BTC: variants seen among roughly 807,000 people sequenced by gnomAD.
BTC encodes the protein probetacellulin.
BTC carries 13 observed loss-of-function variants against 18.1 expected under a neutral mutation model. The ratio of observed to expected loss-of-function variants is 0.72; its 90% CI spans 0.47 to 1.14. The LOEUF (loss-of-function observed/expected upper bound fraction) is 1.14. BTC is among the 50% of genes most tolerant of loss of function. The pLI is 0.00. For missense variants in BTC, 247 were observed against 224.2 expected (o/e 1.10, Z -0.65); for synonymous variants, 83 against 79.4 (o/e 1.05, Z -0.24).
rs1724934131 is a variant in BTC at position 74,767,598 on chromosome 4, A to G, written c.163+2460T>C. On this transcript the variant is annotated intron_variant, in intron 2 of 5. Coordinates refer to ENST00000395743, the MANE Select transcript of BTC (RefSeq NM_001729.4). The stretch of plus-strand genomic sequence containing the variant: ...ATTTAAAATTCAAAGGAAACTACAA[A>G]GGACCCTGGATAGCCAAAACAATCT... 3.9e-5 allele frequency among the ~76,000 whole-genome samples: 6 copies of G among 152,220 alleles called. No homozygotes were observed. In the South Asian group the frequency reaches 8.3e-4, roughly 21 times the overall value.
chr4:74,778,489 T>C (rs1330982158), intron 1 of BTC, among the ~76,000 whole-genome samples: 1 of 152,110 alleles, frequency 6.6e-6, no homozygotes, highest in Non-Finnish European at 1.5e-5. Context: ...GCACCTATCA[T>C]GCAGTGTGTA....
rs1724433860 is a variant in BTC, at chr4:74,750,625, C to G, written c.376G>C (p.Ala126Pro). The change falls in exon 4 of 6, where the codon GCA becomes CCA. Residue 126 changes from alanine (A) to proline (P), a missense_variant. Coordinates refer to ENST00000395743, the MANE Select transcript of BTC (RefSeq NM_001729.4). Reference sequence around the variant, plus strand: ...AAAATAATAAAAACTACCATAACTGCTATCAAACAAATCACCAGAATCTGT... The same window carrying G: ...AAAATAATAAAAACTACCATAACTGGTATCAAACAAATCACCAGAATCTGT... ...RGQILVICLI[A>P]VMVVFIILVI... The G allele has an allele frequency of 6.2e-7, 1 of 1,613,806 alleles. No homozygotes were observed. Among genetic ancestry groups the G allele is most frequent in the African/African-American group, 1.3e-5 (1 of 74,912 alleles).
At chr4:74,763,608 G>C (rs1039934876) in intron 2 of BTC, among the ~76,000 whole-genome samples, 3 of 151,806 alleles carry the variant, frequency 2.0e-5, no homozygotes, top group South Asian at 2.1e-4. Flanking sequence ...ATAAATGCAG[G>C]CTTAACCTCC....
intron 4 of BTC, among the ~76,000 whole-genome samples, chr4:74,749,157 C>T (rs558321097): frequency 2.3e-4 from 35 of 152,074 alleles, no homozygotes; most frequent in African/African-American, 7.7e-4. Context: ...TGGCCGGGCG[C>T]GGTGGCTCAT....
rs1247367330 is a variant in BTC, at chr4:74,764,918, G to A, written c.163+5140C>T. The stretch of plus-strand genomic sequence containing the variant: ...CACAATCATGGCAGACAGTGATTGA[G>A]GAGCAAAGTCATGTCTTACATGGCA... On this transcript the variant is annotated intron_variant, in intron 2 of 5. Coordinates refer to ENST00000395743, the MANE Select transcript of BTC (RefSeq NM_001729.4). Among the ~76,000 whole-genome samples the A allele has an allele frequency of 2.0e-5, 3 of 151,978 alleles. No individual in the cohort carries two copies. In the East Asian group the frequency reaches 5.8e-4, roughly 29 times the overall value.
chr4:74,794,246 C>T lies in BTC; in HGVS notation c.64+16G>A. The T allele has an allele frequency of 6.5e-7, 1 of 1,550,216 alleles. No homozygotes were observed. Among genetic ancestry groups the T allele is most frequent in the South Asian group, 1.2e-5 (1 of 84,032 alleles). ...GACTTTCCTCCTGGTTTCCAGTGCC[C>T]AGCACGGCCACTTACCCAGGGCAAG... On this transcript the variant is annotated intron_variant, in intron 1 of 5. Transcript: ENST00000395743.
chr4:74,785,899 A>G (rs1264216724), intron 1 of BTC, among the ~76,000 whole-genome samples: 1 of 152,192 alleles, frequency 6.6e-6, no homozygotes, highest in Non-Finnish European at 1.5e-5. Flanking sequence ...CCTGTGTTAG[A>G]TGAATGTTAT....
rs1553956670 is a variant in BTC at position 74,755,972 on chromosome 4, G to A, written c.168C>T (p.Thr56=). The change falls in exon 3 of 6, where the codon ACC becomes ACT. Residue 56 remains threonine, a synonymous_variant. Transcript: ENST00000395743. ...GGCCTTTCCGCTTTGATTGTGTGGT[G>A]GTAGCTGGAAAATGAGAAAAAGTTC... The part of the protein sequence containing the change: ...CGDPEENCAA[T]TTQSKRKGHF... 1.2e-6 allele frequency: 2 copies of A among 1,613,128 alleles called. No homozygotes were observed.
intron 4 of BTC, 85 bp downstream of exon 4, chr4:74,750,488 G>T: frequency 3.6e-6 from 5 of 1,371,720 alleles, no homozygotes; most frequent in Non-Finnish European, 4.9e-6. Flanking sequence ...AAGCAAAAGA[G>T]AATGTAAAGA....
rs1724997982 is a variant in BTC, at chr4:74,770,069, T to C, written c.152A>G (p.Glu51Gly). 6.2e-7 allele frequency: 1 copy of C among 1,608,142 alleles called. No homozygotes were observed. Among genetic ancestry groups the C allele is most frequent in the African/African-American group, 1.3e-5 (1 of 74,480 alleles). Residue 51 changes from glutamate to glycine, a missense_variant, in exon 2 of 6, where the codon GAA (glutamate) becomes GGA (glycine). Glu to Gly is a moderately conservative substitution (Grantham distance 98). Coordinates refer to ENST00000395743, the MANE Select transcript of BTC (RefSeq NM_001729.4). ...TNGLLCGDPE[E>G]NCAATTTQSK... ...TTGTTAAACTTTACCTGCACAGTTTTCCTCAGGGTCTCCACAGAGGAGGCC... is the reference window on the plus strand; with the variant it reads ...TTGTTAAACTTTACCTGCACAGTTTCCCTCAGGGTCTCCACAGAGGAGGCC...
At chr4:74,761,901 G>C (rs1484569314) in intron 2 of BTC, among the ~76,000 whole-genome samples, 1 of 152,088 alleles carries the variant, frequency 6.6e-6, no homozygotes, top group Non-Finnish European at 1.5e-5. Flanking sequence ...AAAACCTGAA[G>C]GCCTTATACT....
At chr4:74,774,372 G>A (rs1415132337) in intron 1 of BTC, among the ~76,000 whole-genome samples, 2 of 152,112 alleles carry the variant, frequency 1.3e-5, no homozygotes, top group Admixed American at 6.5e-5. Context: ...TCAAGAAGTT[G>A]CATTATAAGG....
At position 74,780,655 on chromosome 4, in the gene BTC, G is replaced by A. The variant is rs555149185; in HGVS notation, c.65-10499C>T. On this transcript the variant is annotated intron_variant, in intron 1 of 5. Coordinates refer to ENST00000395743, the MANE Select transcript of BTC (RefSeq NM_001729.4). ...ACCCTTCATAGTAAGATATCAGTCC[G>A]TCATCCTTATTTTAATAGATGGTAA... Among the ~76,000 whole-genome samples the A allele has an allele frequency of 1.9e-4, 29 of 152,110 alleles. No individual in the cohort carries two copies. In the South Asian group the frequency reaches 2.7e-3, roughly 14 times the overall value.
chr4:74,779,653 T>A (rs1725266870), intron 1 of BTC, among the ~76,000 whole-genome samples: 1 of 152,154 alleles, frequency 6.6e-6, no homozygotes, highest in African/African-American at 2.4e-5. Flanking sequence ...ACTGTGGCAT[T>A]GGTTTCTGGA....
intron 2 of BTC, among the ~76,000 whole-genome samples, chr4:74,768,201 T>C (rs1724950999): frequency 6.6e-6 from 1 of 152,120 alleles, no homozygotes; most frequent in Non-Finnish European, 1.5e-5. Flanking sequence ...ATACAAAACA[T>C]ATTGATTACA....
In BTC at chr4:74,755,943, A is replaced by C; in HGVS notation, c.197T>G (p.Phe66Cys). 1 of 1,614,140 alleles carries C rather than the reference A, an allele frequency of 6.2e-7. No individual in the cohort carries two copies. The highest frequency in any genetic ancestry group is 8.5e-7 in the Non-Finnish European group (1 of 1,180,032). ...CTTGTATTGCTTGGGGCACCTAGAG[A>C]AGTGGCCTTTCCGCTTTGATTGTGT... ...TTTQSKRKGH[F>C]SRCPKQYKHY... The change falls in exon 3 of 6, where the codon TTC (phenylalanine) becomes TGC (cysteine). Residue 66 changes from phenylalanine (F) to cysteine (C), a missense_variant. Coordinates refer to ENST00000395743, the MANE Select transcript of BTC (RefSeq NM_001729.4).
intron 2 of BTC, among the ~76,000 whole-genome samples, chr4:74,758,231 G>T (rs1553956962): frequency 6.6e-6 from 1 of 152,214 alleles, no homozygotes; most frequent in African/African-American, 2.4e-5. Context: ...GCGAATGAAA[G>T]TTAGAAATCT....
At chr4:74,793,299 C>G (rs1224761431) in intron 1 of BTC, among the ~76,000 whole-genome samples, 1 of 152,196 alleles carries the variant, frequency 6.6e-6, no homozygotes, top group Non-Finnish European at 1.5e-5. Context: ...ACTCCAAGGA[C>G]ACAGTCAAAT....
intron 3 of BTC, among the ~76,000 whole-genome samples, chr4:74,754,804 A>C (rs1227549982): frequency 6.6e-6 from 1 of 152,152 alleles, no homozygotes; most frequent in Non-Finnish European, 1.5e-5. Flanking sequence ...AAGAACAATA[A>C]ATCTGCAGAC....
Sources: gnomAD v4.1 joint callset for allele counts (sites outside exome capture counted in the v4.1 genomes callset) on GRCh38, gnomAD v4.1.1 for gene constraint, MANE v1.5 for transcripts, NCBI Gene and HGNC (gene_info 2026-07-23, HGNC 2026-07-21) for gene names.